The following NAALADL2 variants were observed in gnomAD, a reference collection of about 807,000 sequenced individuals.
NAALADL2 encodes N-acetylated alpha-linked acidic dipeptidase like 2.
Under a neutral mutation model 87.2 loss-of-function variants are expected in NAALADL2, and 76 were observed. The ratio of observed to expected loss-of-function variants is 0.87; its 90% CI spans 0.72 to 1.05. The LOEUF is 1.05. NAALADL2 is among the 50% of genes least tolerant of loss of function. The probability of loss-of-function intolerance (pLI) is 0.00; values close to 1 mark genes in which losing one functional copy is unlikely to be tolerated. For missense variants in NAALADL2, 1,089 were observed against 945.8 expected (o/e 1.15, Z -1.99); for synonymous variants, 354 against 331.0 (o/e 1.07, Z -0.75).
intron 4 of NAALADL2, among the ~76,000 whole-genome samples, chr3:175,287,039 G>T (rs575790006): frequency 1.6e-4 from 24 of 152,182 alleles, no homozygotes; most frequent in African/African-American, 5.8e-4. Flanking sequence ...AGGCCAGCAG[G>T]CTGAGGCTGC....
intron 3 of NAALADL2, among the ~76,000 whole-genome samples, chr3:174,809,990 G>A (rs900978940): frequency 1.3e-5 from 2 of 152,256 alleles, no homozygotes; most frequent in South Asian, 4.2e-4. Flanking sequence ...TGTGGAAGAT[G>A]CCTGCTCCTG....
intron 2 of NAALADL2, among the ~76,000 whole-genome samples, chr3:174,583,135 C>G (rs2108564965): frequency 6.6e-6 from 1 of 152,222 alleles, no homozygotes; most frequent in East Asian, 1.9e-4. Flanking sequence ...GCTGAGATAA[C>G]ACTAATGCAA....
intron 2 of NAALADL2, among the ~76,000 whole-genome samples, chr3:174,708,001 C>T (rs1730260118): frequency 6.6e-6 from 1 of 152,154 alleles, no homozygotes; most frequent in Non-Finnish European, 1.5e-5. Flanking sequence ...CATTCCATTT[C>T]ATCACTTTCT....
rs77245310 is a variant in NAALADL2 at position 175,507,305 on chromosome 3, T to C, written c.1653+35547T>C. Among the ~76,000 whole-genome samples, 846 of 152,302 alleles carry C rather than the reference T, an allele frequency of 5.6e-3. 6 individuals are homozygous for C. Among genetic ancestry groups the C allele is most frequent in the African/African-American group, 0.019 (787 of 41,556 alleles). The stretch of plus-strand genomic sequence containing the variant: ...TTGCACTTTTGTGCAAAATTTTTGC[T>C]CCTGCATTGGAAAAGGTCAGTGGGG... On this transcript the variant is annotated intron_variant, in intron 9 of 13. Coordinates refer to ENST00000454872, the MANE Select transcript of NAALADL2 (RefSeq NM_207015.3).
At chr3:174,624,965 C>A (rs13074404) in intron 2 of NAALADL2, among the ~76,000 whole-genome samples, 2 of 150,038 alleles carry the variant, frequency 1.3e-5, no homozygotes, top group Non-Finnish European at 3.0e-5. Flanking sequence ...CTCTTGGTAG[C>A]GTTTTCATGC....
chr3:174,571,312 A>G (rs546775678), intron 2 of NAALADL2, among the ~76,000 whole-genome samples: 2 of 152,214 alleles, frequency 1.3e-5, no homozygotes, highest in Non-Finnish European at 2.9e-5. Context: ...CCTTAATAGC[A>G]AAACAGGGCA....
intron 5 of NAALADL2, among the ~76,000 whole-genome samples, chr3:175,418,902 A>G (rs937852736): frequency 2.0e-5 from 3 of 152,068 alleles, no homozygotes; most frequent in Admixed American, 6.6e-5. Context: ...TGAATTTTGA[A>G]CAGTCGAGAG....
intron 10 of NAALADL2, chr3:175,581,011 T>G (rs1719685487): frequency 6.1e-6 from 1 of 165,000 alleles, no homozygotes; most frequent in Non-Finnish European, 1.3e-5. Flanking sequence ...AGTATTACAT[T>G]GTTATAATTA....
chr3:175,423,068 A>G (rs1383353937), intron 5 of NAALADL2, among the ~76,000 whole-genome samples: 1 of 128,114 alleles, frequency 7.8e-6, no homozygotes, highest in Non-Finnish European at 1.6e-5. Flanking sequence ...TTTTTTCCTG[A>G]GTTGTAGAAC....
intron 1 of NAALADL2, among the ~76,000 whole-genome samples, chr3:174,991,096 A>C (rs1217039038): frequency 6.6e-6 from 1 of 152,156 alleles, no homozygotes; most frequent in African/African-American, 2.4e-5. Flanking sequence ...TTTAAAAAAA[A>C]CCTTGATATT....
intron 3 of NAALADL2, chr3:174,737,811 G>A (rs964125947): frequency 6.6e-6 from 1 of 152,162 alleles, no homozygotes; most frequent in Non-Finnish European, 1.5e-5. Flanking sequence ...TTAATAAGGT[G>A]ACTTCATGTA....
chr3:175,447,405 C>G, intron 6 of NAALADL2, 33 bp downstream of exon 6: 1 of 1,458,540 alleles, frequency 6.9e-7, no homozygotes, highest in Non-Finnish European at 9.2e-7. Context: ...CTGTATTTTA[C>G]AGTTTTTTTA....
intron 2 of NAALADL2, among the ~76,000 whole-genome samples, chr3:175,206,821 T>TGTTGG (rs1741002786): frequency 1.3e-5 from 2 of 152,160 alleles, no homozygotes; most frequent in African/African-American, 4.8e-5. Context: ...GGTCTGCTAA[T>TGTTGG]CCTTCCAATC....
chr3:174,714,174 A>T (rs1404228685), intron 2 of NAALADL2, among the ~76,000 whole-genome samples: 2 of 152,156 alleles, frequency 1.3e-5, no homozygotes, highest in Admixed American at 1.3e-4. Context: ...CTATTTTGGT[A>T]CCAGTTCCAT....
At chr3:174,985,345 TTAAC>T (rs2108675722) in intron 1 of NAALADL2, among the ~76,000 whole-genome samples, 1 of 152,332 alleles carries the variant, frequency 6.6e-6, no homozygotes, top group East Asian at 1.9e-4. Context: ...GAATCATACT[TTAAC>T]TACCTCTGGC....
chr3:175,520,448 G>T (rs1421715629), intron 9 of NAALADL2, among the ~76,000 whole-genome samples: 1 of 151,534 alleles, frequency 6.6e-6, no homozygotes, highest in African/African-American at 2.4e-5. Context: ...ACAGGCGCCC[G>T]CCACCGCGCC....
At chr3:175,127,746 TG>T (rs1207019706) in intron 2 of NAALADL2, among the ~76,000 whole-genome samples, 1 of 152,150 alleles carries the variant, frequency 6.6e-6, no homozygotes, top group Non-Finnish European at 1.5e-5. Flanking sequence ...TAGCTGGGCA[TG>T]GGGGTGAGTG....
chr3:175,141,184 G>T (rs1019667577), intron 2 of NAALADL2, among the ~76,000 whole-genome samples: 3 of 152,086 alleles, frequency 2.0e-5, no homozygotes, highest in Non-Finnish European at 4.4e-5. Context: ...GTCTGCTTTA[G>T]GTACAGAAAG....
chr3:175,281,646 A>G (rs949801480), intron 4 of NAALADL2, among the ~76,000 whole-genome samples: 1 of 152,048 alleles, frequency 6.6e-6, no homozygotes, highest in Admixed American at 6.6e-5. Flanking sequence ...TCACATGAAT[A>G]CATTACATAA....
Sources: allele counts gnomAD v4.1 joint callset (sites outside exome capture counted in the v4.1 genomes callset), GRCh38; gene constraint gnomAD v4.1.1; transcripts MANE v1.5; gene names NCBI Gene and HGNC (gene_info 2026-07-23, HGNC 2026-07-21).